ST7L: variants seen among roughly 807,000 people sequenced by gnomAD.
ST7L encodes the protein suppression of tumorigenicity 7 like.
In ST7L, 57 loss-of-function variants were observed where a neutral mutation model predicts 72.5. The ratio of observed to expected loss-of-function variants is 0.79; its 90% CI spans 0.64 to 0.98. The LOEUF (loss-of-function observed/expected upper bound fraction) is 0.98. ST7L is among the 50% of genes least tolerant of loss of function. The pLI, the probability that ST7L is intolerant of heterozygous loss-of-function variation, is 0.00. For missense variants in ST7L, 576 were observed against 672.2 expected (o/e 0.86, Z 1.58); for synonymous variants, 221 against 240.9 (o/e 0.92, Z 0.77).
At chr1:112,582,270 T>C in intron 8 of ST7L, 105 bp downstream of exon 8, 1 of 957,974 alleles carries the variant, frequency 1.0e-6, no homozygotes, top group African/African-American at 1.7e-5. Flanking sequence ...TTCTAAAAAC[T>C]ACCAATTAAA....
chr1:112,580,577 C>G (rs1663939345), intron 9 of ST7L, among the ~76,000 whole-genome samples: 1 of 152,138 alleles, frequency 6.6e-6, no homozygotes, highest in Non-Finnish European at 1.5e-5. Flanking sequence ...GGCTTTATGT[C>G]TTTAAAATTC....
intron 5 of ST7L, among the ~76,000 whole-genome samples, chr1:112,594,137 T>C (rs1349572805): frequency 1.3e-5 from 2 of 151,702 alleles, no homozygotes; most frequent in Admixed American, 6.6e-5. Context: ...TTCTCTGGTT[T>C]CCCTATCCTA....
At chr1:112,559,523 C>T (rs369033720) in intron 11 of ST7L, among the ~76,000 whole-genome samples, 2 of 151,440 alleles carry the variant, frequency 1.3e-5, no homozygotes, top group South Asian at 2.1e-4. Flanking sequence ...TGAGCCACCA[C>T]GCCTGGCAAA....
chr1:112,540,052 G>T (rs1570906580), intron 14 of ST7L: 1 of 985,362 alleles, frequency 1.0e-6, no homozygotes, highest in South Asian at 4.7e-5. Flanking sequence ...AGGAACTTAT[G>T]CTATGTAATC....
intron 14 of ST7L, chr1:112,527,661 C>T (rs946784291): frequency 1.3e-5 from 2 of 152,596 alleles, no homozygotes; most frequent in East Asian, 1.9e-4. Flanking sequence ...CTTGGCTTTC[C>T]GTGGAAATTT....
intron 11 of ST7L, among the ~76,000 whole-genome samples, chr1:112,573,863 C>T (rs1662578319): frequency 6.7e-6 from 1 of 150,326 alleles, no homozygotes; most frequent in Non-Finnish European, 1.5e-5. Context: ...CACTGCACTC[C>T]AGCCTGGGCA....
downstream of ST7L, among the ~76,000 whole-genome samples, chr1:112,519,244 C>A (rs1338056798): frequency 1.3e-5 from 2 of 152,168 alleles, no homozygotes; most frequent in Non-Finnish European, 2.9e-5. Context: ...TTTATTTATA[C>A]CTGTGTTCCA....
intron 6 of ST7L, 55 bp downstream of exon 6, chr1:112,591,470 C>T (rs1244309192): frequency 6.8e-7 from 1 of 1,480,050 alleles, no homozygotes; most frequent in Non-Finnish European, 9.3e-7. Context: ...ACATAAAAAT[C>T]ATTTGCCTTG....
downstream of ST7L, chr1:112,522,013 A>C (rs1652907062): frequency 6.6e-6 from 1 of 152,016 alleles, no homozygotes; most frequent in African/African-American, 2.4e-5. Flanking sequence ...GAGGATACGT[A>C]CCTGTTCTTT....
intron 13 of ST7L, among the ~76,000 whole-genome samples, chr1:112,547,271 C>A (rs1382778904): frequency 6.6e-6 from 1 of 151,244 alleles, no homozygotes; most frequent in Non-Finnish European, 1.5e-5. Flanking sequence ...CGGCTCACTG[C>A]AACCTCCACC....
intron 11 of ST7L, among the ~76,000 whole-genome samples, chr1:112,556,752 G>C (rs1195688959): frequency 1.3e-5 from 2 of 151,892 alleles, no homozygotes; most frequent in Non-Finnish European, 2.9e-5. Flanking sequence ...CCAAAATCGT[G>C]AGGTCAGGAA....
intron 14 of ST7L, among the ~76,000 whole-genome samples, chr1:112,533,874 C>T (rs934054107): frequency 2.0e-5 from 3 of 151,718 alleles, no homozygotes; most frequent in Non-Finnish European, 4.4e-5. Context: ...ACTATAATTA[C>T]TACTGTAATT....
At chr1:112,527,969 G>C (rs1052548361) in intron 14 of ST7L, 4 of 152,206 alleles carry the variant, frequency 2.6e-5, no homozygotes, top group African/African-American at 9.7e-5. Context: ...GTAGACACAA[G>C]AGGCTGGAGG....
intron 11 of ST7L, among the ~76,000 whole-genome samples, chr1:112,565,266 C>T (rs1255081909): frequency 9.1e-6 from 1 of 109,422 alleles, no homozygotes; most frequent in Non-Finnish European, 1.7e-5. Context: ...GACAGGGTTT[C>T]ACCATGTCGG....
At chr1:112,560,979 A>C (rs1329440093) in intron 11 of ST7L, among the ~76,000 whole-genome samples, 5 of 151,980 alleles carry the variant, frequency 3.3e-5, no homozygotes, top group African/African-American at 9.7e-5. Flanking sequence ...AAAAAAAAAA[A>C]AAAAACTTAT....
chr1:112,539,407 GCACTTT>G (rs1655720911), intron 14 of ST7L: 1 of 152,606 alleles, frequency 6.6e-6, no homozygotes, highest in Non-Finnish European at 1.5e-5. Context: ...TGTAGTCCCA[GCACTTT>G]GGGAGGCCAA....
chr1:112,589,739 T>C (rs6669096), intron 6 of ST7L, among the ~76,000 whole-genome samples: 75,714 of 152,028 alleles, frequency 0.5, 19,233 homozygotes, highest in East Asian at 0.64. Context: ...TCTGTGTGGG[T>C]GCTAGGGCAC....
At chr1:112,615,821 C>A (rs1175469067) in intron 2 of ST7L, among the ~76,000 whole-genome samples, 1 of 152,036 alleles carries the variant, frequency 6.6e-6, no homozygotes, top group East Asian at 1.9e-4. Flanking sequence ...TTCACTGTAA[C>A]CTCCACCTCC....
intron 11 of ST7L, among the ~76,000 whole-genome samples, chr1:112,556,997 A>AAAAAAAAAAAAAAAAAAAAAAAAC (rs1557974323): frequency 7.0e-6 from 1 of 142,666 alleles, no homozygotes; most frequent in African/African-American, 2.9e-5. Flanking sequence ...AAAAAAAAAA[A>AAAAAAAAAAAAAAAAAAAAAAAAC]ACACAAAGAA....
Sources: gnomAD v4.1 joint callset for allele counts (sites outside exome capture counted in the v4.1 genomes callset) on GRCh38, gnomAD v4.1.1 for gene constraint, MANE v1.5 for transcripts, NCBI Gene and HGNC (gene_info 2026-07-23, HGNC 2026-07-21) for gene names.